Variants in SCLT1 observed in about 807,000 individuals in gnomAD.
The protein encoded by SCLT1 is sodium channel and clathrin linker 1.
In SCLT1, 78 loss-of-function variants were observed where a neutral mutation model predicts 112.8. The ratio of observed to expected loss-of-function variants is 0.69; its 90% confidence interval spans 0.58 to 0.83. The LOEUF (loss-of-function observed/expected upper bound fraction) is 0.83. SCLT1 is among the 40% of genes least tolerant of loss of function. SCLT1 has a pLI of 0.00. For missense variants in SCLT1, 747 were observed against 770.4 expected, an observed-to-expected ratio of 0.97 and a Z score of 0.36; for synonymous variants, 257 against 254.7, an observed-to-expected ratio of 1.01 and a Z score of -0.09.
chr4:129,088,035 C>T (rs112043888), intron 1 of SCLT1, among the ~76,000 whole-genome samples: 2,199 of 151,504 alleles, frequency 0.015, 48 homozygotes, highest in African/African-American at 0.045. Flanking sequence ...TGCAAAGAGC[C>T]GTGATTGTGC....
chr4:129,049,696 C>T (rs1561015874), intron 2 of SCLT1, among the ~76,000 whole-genome samples: 2 of 143,524 alleles, frequency 1.4e-5, no homozygotes, highest in South Asian at 2.2e-4. Context: ...AGCACTATTT[C>T]TTTTTTTTTT....
chr4:129,013,887 A>T (rs1302925556), intron 5 of SCLT1, among the ~76,000 whole-genome samples: 1 of 152,146 alleles, frequency 6.6e-6, no homozygotes, highest in Non-Finnish European at 1.5e-5. Flanking sequence ...AATGGATGGT[A>T]TTCTGAAATG....
intron 4 of SCLT1, among the ~76,000 whole-genome samples, chr4:129,042,172 T>C (rs1441173432): frequency 6.6e-6 from 1 of 152,206 alleles, no homozygotes; most frequent in Non-Finnish European, 1.5e-5. Context: ...ATCATGAGTA[T>C]ATTCAAGCTC....
intron 18 of SCLT1, among the ~76,000 whole-genome samples, chr4:128,929,012 C>T (rs1345109062): frequency 2.6e-5 from 4 of 152,158 alleles, no homozygotes; most frequent in Non-Finnish European, 5.9e-5. Context: ...ATTATCCCTA[C>T]TCTGTGCATT....
At chr4:129,085,584 T>C (rs1752322069) in intron 1 of SCLT1, among the ~76,000 whole-genome samples, 2 of 152,048 alleles carry the variant, frequency 1.3e-5, no homozygotes, top group Non-Finnish European at 2.9e-5. Context: ...TGCAACACTA[T>C]CCACAAGAGT....
intron 10 of SCLT1, among the ~76,000 whole-genome samples, chr4:128,965,742 A>T (rs1019567073): frequency 1.3e-5 from 2 of 151,392 alleles, no homozygotes; most frequent in African/African-American, 4.9e-5. Context: ...ATATTAATAA[A>T]TTTTATTTGT....
chr4:129,014,834 C>T (rs1744848601), intron 5 of SCLT1, among the ~76,000 whole-genome samples: 1 of 152,198 alleles, frequency 6.6e-6, no homozygotes, highest in African/African-American at 2.4e-5. Context: ...GTGCTAGTGG[C>T]TGCTGGGGTG....
chr4:128,956,299 A>G (rs1204141865), intron 13 of SCLT1, among the ~76,000 whole-genome samples: 1 of 152,100 alleles, frequency 6.6e-6, no homozygotes, highest in African/African-American at 2.4e-5. Context: ...CATTAAAAGT[A>G]TAAAGTTTAT....
In SCLT1 at chr4:128,943,179, T is replaced by C. The variant is rs1289469525; in HGVS notation, c.1449A>G (p.Glu483=). 1 of 1,604,466 alleles carries C rather than the reference T, an allele frequency of 6.2e-7. No individual in the cohort carries two copies. Among genetic ancestry groups the C allele is most frequent in the Admixed American group, 1.7e-5 (1 of 58,294 alleles). ...RIKQLETDSS[E]EISRYQEMIQ... ...TCATTTCTTGGTAACGTGATATTTC[T>C]TCTGAGGAGCTGATTAAAAAACGAA... Residue 483 remains glutamate, a synonymous_variant, in exon 17 of 21, where the codon GAA becomes GAG. Transcript: ENST00000281142.
intron 18 of SCLT1, among the ~76,000 whole-genome samples, chr4:128,930,859 G>C (rs186785374): frequency 7.9e-5 from 12 of 152,310 alleles, no homozygotes; most frequent in Non-Finnish European, 1.8e-4. Flanking sequence ...GGAGGGTGCA[G>C]TGAAGAATTC....
intron 5 of SCLT1, among the ~76,000 whole-genome samples, chr4:129,035,002 T>TTATTCA (rs1170480937): frequency 6.6e-6 from 1 of 152,150 alleles, no homozygotes; most frequent in Non-Finnish European, 1.5e-5. Flanking sequence ...AATAGTCATT[T>TTATTCA]CTGTCTATTT....
chr4:129,091,543 C>T (rs1343702866), intron 1 of SCLT1, among the ~76,000 whole-genome samples: 1 of 152,020 alleles, frequency 6.6e-6, no homozygotes, highest in Non-Finnish European at 1.5e-5. Context: ...CAACCAATTC[C>T]TGTCCCACAC....
chr4:128,897,700 A>G (rs559464245), intron 18 of SCLT1, among the ~76,000 whole-genome samples: 39 of 152,336 alleles, frequency 2.6e-4, no homozygotes, highest in African/African-American at 8.9e-4. Context: ...AATGCGCTAA[A>G]TGCTCCAATT....
intron 5 of SCLT1, among the ~76,000 whole-genome samples, chr4:129,035,282 G>A (rs1209457294): frequency 6.6e-6 from 1 of 152,090 alleles, no homozygotes; most frequent in Non-Finnish European, 1.5e-5. Context: ...AAAATGACAA[G>A]GAGCAGGAAA....
chr4:128,936,116 C>T (rs1026155270), intron 18 of SCLT1, among the ~76,000 whole-genome samples: 2 of 150,550 alleles, frequency 1.3e-5, no homozygotes, highest in African/African-American at 4.9e-5. Context: ...ACAGTCTATT[C>T]TTTTTTTTTA....
At chr4:128,920,577 C>T (rs1263283974) in intron 18 of SCLT1, among the ~76,000 whole-genome samples, 3 of 152,194 alleles carry the variant, frequency 2.0e-5, no homozygotes, top group Non-Finnish European at 4.4e-5. Flanking sequence ...AGCCACTGTG[C>T]CCAGCCTAGA....
chr4:129,082,233 T>C, intron 2 of SCLT1, 73 bp downstream of exon 2: 1 of 610,926 alleles, frequency 1.6e-6, no homozygotes, highest in South Asian at 3.1e-5. Context: ...ATCAAAGTTG[T>C]AAGCCAAGTT....
chr4:128,972,529 T>C (rs1740781009), intron 9 of SCLT1, among the ~76,000 whole-genome samples: 2 of 151,868 alleles, frequency 1.3e-5, no homozygotes, highest in Non-Finnish European at 2.9e-5. Flanking sequence ...TAGTAATATG[T>C]CTTAATACAA....
chr4:129,091,879 C>G (rs1187111515), intron 1 of SCLT1, among the ~76,000 whole-genome samples: 1 of 152,194 alleles, frequency 6.6e-6, no homozygotes, highest in Non-Finnish European at 1.5e-5. Context: ...AATCCAGAGG[C>G]TGACTGAGTT....
Sources: gnomAD v4.1 joint callset for allele counts (sites outside exome capture counted in the v4.1 genomes callset) on GRCh38, gnomAD v4.1.1 for gene constraint, MANE v1.5 for transcripts, NCBI Gene and HGNC (gene_info 2026-07-23, HGNC 2026-07-21) for gene names.